The following KCNH7 variants were observed in gnomAD, a reference collection of about 807,000 sequenced individuals.
The protein encoded by KCNH7 is potassium voltage-gated channel subfamily H member 7.
A neutral mutation model predicts 120.8 loss-of-function variants in KCNH7; 49 were observed. The observed-to-expected ratio is 0.41, with a 90% confidence interval of 0.32 to 0.51. The LOEUF is 0.51. Ranked by LOEUF, KCNH7 falls within the 20% of genes least tolerant of loss-of-function variation. The pLI, the probability that KCNH7 is intolerant of heterozygous loss-of-function variation, is 0.38. For synonymous variants in KCNH7, 547 were observed against 516.1 expected (o/e 1.06, Z -0.81); for missense variants, 1,097 against 1,446.6 (o/e 0.76, Z 3.92).
At chr2:162,742,715 GAGA>G (rs1688179141) in intron 2 of KCNH7, among the ~76,000 whole-genome samples, 1 of 152,284 alleles carries the variant, frequency 6.6e-6, no homozygotes, top group Middle Eastern at 3.4e-3. Context: ...TACTACAGAA[GAGA>G]AGAAGGAAGA....
At chr2:162,809,263 C>T (rs996132500) in intron 2 of KCNH7, among the ~76,000 whole-genome samples, 3 of 152,268 alleles carry the variant, frequency 2.0e-5, no homozygotes, top group East Asian at 1.9e-4. Context: ...TTGAGGGAAT[C>T]TGAATAAAAA....
chr2:162,563,064 T>C (rs756993545), intron 2 of KCNH7, among the ~76,000 whole-genome samples: 2 of 152,134 alleles, frequency 1.3e-5, no homozygotes, highest in Non-Finnish European at 2.9e-5. Context: ...TTGACACTTG[T>C]AATTTAAGCA....
chr2:162,788,988 T>TAA (rs61348204), intron 2 of KCNH7, among the ~76,000 whole-genome samples: 39 of 105,138 alleles, frequency 3.7e-4, no homozygotes, highest in South Asian at 1.3e-3. Flanking sequence ...AGGTACTGGT[T>TAA]AAAAAAAAAA....
intron 2 of KCNH7, among the ~76,000 whole-genome samples, chr2:162,788,961 G>A (rs1321841275): frequency 7.6e-6 from 1 of 130,796 alleles, no homozygotes; most frequent in Non-Finnish European, 1.6e-5. Context: ...GCCAGAAGAT[G>A]ATGGGATGAT....
chr2:162,575,552 C>A (rs1185380755), intron 2 of KCNH7, among the ~76,000 whole-genome samples: 3 of 152,028 alleles, frequency 2.0e-5, no homozygotes, highest in Admixed American at 2.0e-4. Flanking sequence ...GCTGTCCTGG[C>A]TAGCTGGCTC....
At position 162,435,225 on chromosome 2, in the gene KCNH7, A is replaced by G. The variant is rs1238202869; in HGVS notation, c.1927T>C (p.Phe643Leu). Reference protein sequence around the residue: ...VSPNTNSEKIFSICVMLIGSL... With the variant: ...VSPNTNSEKILSICVMLIGSL... ...CCAATCAACATGACACAAATTGAAAAGATTTTCTCCGAATTCGTGTTAGGA... is the reference window on the plus strand; with the variant it reads ...CCAATCAACATGACACAAATTGAAAGGATTTTCTCCGAATTCGTGTTAGGA... Residue 643 changes from phenylalanine to leucine, a missense_variant, in exon 8 of 16, where the codon TTT (phenylalanine) becomes CTT (leucine). Transcript: ENST00000332142. 4.3e-6 allele frequency: 7 copies of G among 1,613,338 alleles called. No individual in the cohort carries two copies. The highest frequency in any genetic ancestry group is 5.9e-6 in the Non-Finnish European group (7 of 1,179,524).
chr2:162,406,633 A>T (rs1378050403), intron 9 of KCNH7, among the ~76,000 whole-genome samples: 1 of 152,030 alleles, frequency 6.6e-6, no homozygotes, highest in Non-Finnish European at 1.5e-5. Context: ...CATGATTATC[A>T]AATAGATGAG....
At chr2:162,468,890 G>C (rs2105632020) in intron 6 of KCNH7, among the ~76,000 whole-genome samples, 1 of 150,754 alleles carries the variant, frequency 6.6e-6, no homozygotes. Context: ...TTGCTCTGTT[G>C]ACCAGGCTGA....
intron 2 of KCNH7, among the ~76,000 whole-genome samples, chr2:162,831,391 A>G (rs1321018374): frequency 6.6e-6 from 1 of 152,152 alleles, no homozygotes. Context: ...CTTTAATCAG[A>G]CCACTTCGAA....
chr2:162,590,198 A>G (rs532862884), intron 2 of KCNH7, among the ~76,000 whole-genome samples: 3 of 152,174 alleles, frequency 2.0e-5, no homozygotes, highest in South Asian at 4.1e-4. Context: ...ACCTGAAAAT[A>G]GTTTTGTCCC....
intron 2 of KCNH7, among the ~76,000 whole-genome samples, chr2:162,603,780 T>G (rs1694637538): frequency 6.6e-6 from 1 of 152,138 alleles, no homozygotes; most frequent in Non-Finnish European, 1.5e-5. Flanking sequence ...CTGTCCTCAG[T>G]GTATTCTCCT....
At position 162,767,575 on chromosome 2, in the gene KCNH7, G is replaced by GT. The variant is rs1000284979; in HGVS notation, c.307+68961dup. 4.6e-5 allele frequency among the ~76,000 whole-genome samples: 7 copies of GT among 151,950 alleles called. No homozygotes were observed. The South Asian group carries it at 6.2e-4, about 14-fold the overall frequency. On this transcript the variant is annotated intron_variant, in intron 2 of 15. Transcript: ENST00000332142. ...GATGTAAATTTTAAAGTATACATCCGTTTTTTCCCCCAGATTCTGCTAAAA... is the reference window on the plus strand; with the variant it reads ...GATGTAAATTTTAAAGTATACATCCGTTTTTTTCCCCCAGATTCTGCTAAAA...
intron 8 of KCNH7, among the ~76,000 whole-genome samples, chr2:162,431,492 A>G (rs1184741460): frequency 2.0e-5 from 3 of 151,928 alleles, no homozygotes; most frequent in Non-Finnish European, 4.4e-5. Flanking sequence ...CAGTATTCTT[A>G]TTATTGCCAA....
intron 4 of KCNH7, among the ~76,000 whole-genome samples, chr2:162,513,644 G>GGCTCCAATCTGCCTA (rs896580316): frequency 6.6e-6 from 1 of 151,440 alleles, no homozygotes; most frequent in African/African-American, 2.4e-5. Flanking sequence ...CAGTCTGCCT[G>GGCTCCAATCTGCCTA]GCTCCACTCT....
At chr2:162,510,912 A>G (rs1472457834) in intron 5 of KCNH7, among the ~76,000 whole-genome samples, 1 of 151,730 alleles carries the variant, frequency 6.6e-6, no homozygotes, top group Non-Finnish European at 1.5e-5. Flanking sequence ...AATTTACATT[A>G]AATTTAATTA....
chr2:162,749,012 A>T (rs1365747423), intron 2 of KCNH7, among the ~76,000 whole-genome samples: 1 of 142,772 alleles, frequency 7.0e-6, no homozygotes, highest in Non-Finnish European at 1.5e-5. Context: ...TTGCACTGAA[A>T]AGCACAGAAG....
intron 2 of KCNH7, among the ~76,000 whole-genome samples, chr2:162,601,055 A>C (rs760878398): frequency 5.3e-5 from 8 of 152,096 alleles, no homozygotes; most frequent in Non-Finnish European, 8.8e-5. Context: ...AGCCAAAAGG[A>C]AAGGGGAAAA....
intron 2 of KCNH7, among the ~76,000 whole-genome samples, chr2:162,589,095 C>T (rs1164916052): frequency 6.6e-6 from 1 of 152,078 alleles, no homozygotes; most frequent in Non-Finnish European, 1.5e-5. Context: ...CTAAATATTT[C>T]ATGCCCACCT....
chr2:162,613,442 T>C (rs1238499180), intron 2 of KCNH7, among the ~76,000 whole-genome samples: 1 of 151,756 alleles, frequency 6.6e-6, no homozygotes, highest in East Asian at 1.9e-4. Flanking sequence ...AATGAAAAAA[T>C]TCTAACCCAC....
Sources: gnomAD v4.1 joint callset for allele counts (sites outside exome capture counted in the v4.1 genomes callset) on GRCh38, gnomAD v4.1.1 for gene constraint, MANE v1.5 for transcripts, NCBI Gene and HGNC (gene_info 2026-07-23, HGNC 2026-07-21) for gene names.